Variants in MALRD1 observed in about 807,000 individuals in gnomAD.
MALRD1 encodes MAM and LDL receptor class A domain containing 1, also known as MAM and LDL-receptor class A domain-containing protein 1.
A neutral mutation model predicts 242.1 loss-of-function variants in MALRD1; 247 were observed. The observed-to-expected ratio is 1.02, with a 90% CI of 0.92 to 1.13. The LOEUF is 1.13. Among genes scored for constraint, MALRD1 ranks in the 50% most tolerant of loss-of-function variants. The probability of loss-of-function intolerance (pLI) is 0.00; values close to 1 mark genes in which losing one functional copy is unlikely to be tolerated. For synonymous variants in MALRD1, 995 were observed against 866.6 expected, an observed-to-expected ratio of 1.15 and a Z score of -2.60; for missense variants, 2,989 against 2,533.1, an observed-to-expected ratio of 1.18 and a Z score of -3.86.
intron 19 of MALRD1, among the ~76,000 whole-genome samples, chr10:19,269,546 G>A (rs17667025): frequency 0.079 from 11,992 of 152,284 alleles, 610 homozygotes; most frequent in Non-Finnish European, 0.11. Flanking sequence ...TCCTTGTCAT[G>A]CCTCAGTCAC....
chr10:19,062,644 C>T (rs141267809), intron 1 of MALRD1, among the ~76,000 whole-genome samples: 12 of 152,278 alleles, frequency 7.9e-5, no homozygotes, highest in African/African-American at 2.9e-4. Flanking sequence ...GAAAAACATA[C>T]ACTATATGAT....
chr10:19,254,261 T>C (rs1470544469), intron 18 of MALRD1, among the ~76,000 whole-genome samples: 2 of 152,028 alleles, frequency 1.3e-5, no homozygotes, highest in Non-Finnish European at 2.9e-5. Flanking sequence ...GCTTTTGAGG[T>C]TCACAGCTGT....
In MALRD1 at chr10:19,567,642, A is replaced by C. The variant is rs1169530558; in HGVS notation, c.5619A>C (p.Gly1873=). ...TGGCATTTGAAGCTGATTTGGATGG[A>C]AATGAGGACATCTTTATTGCTCTTG... ...FKVAFEADLD[G]NEDIFIALDD... The change falls in exon 33 of 40, where the codon GGA becomes GGC. Residue 1873 remains glycine (G), a synonymous_variant. Coordinates refer to ENST00000454679, the MANE Select transcript of MALRD1 (RefSeq NM_001142308.3). 1.3e-6 allele frequency: 2 copies of C among 1,550,724 alleles called. No homozygotes were observed.
intron 29 of MALRD1, among the ~76,000 whole-genome samples, chr10:19,454,819 A>G (rs182531421): frequency 6.6e-6 from 1 of 152,024 alleles, no homozygotes; most frequent in East Asian, 1.9e-4. Context: ...TAGGAAAGCT[A>G]TTTAAGTTTC....
At chr10:19,670,296 A>G (rs2131757840) in intron 36 of MALRD1, among the ~76,000 whole-genome samples, 1 of 152,302 alleles carries the variant, frequency 6.6e-6, no homozygotes, top group East Asian at 1.9e-4. Context: ...TCATTGTCAA[A>G]GAATTCCCAA....
chr10:19,489,103 A>G (rs1416042765), intron 29 of MALRD1: 2 of 463,238 alleles, frequency 4.3e-6, no homozygotes, highest in African/African-American at 2.0e-5. Flanking sequence ...CAGAATGCCC[A>G]AGAGGAAGGT....
At chr10:19,175,941 T>G (rs1227981384) in intron 14 of MALRD1, among the ~76,000 whole-genome samples, 3 of 152,172 alleles carry the variant, frequency 2.0e-5, no homozygotes, top group Non-Finnish European at 4.4e-5. Context: ...CTATGTATTT[T>G]AAAACCTAAT....
intron 29 of MALRD1, among the ~76,000 whole-genome samples, chr10:19,477,525 A>G (rs962435315): frequency 6.6e-6 from 1 of 152,330 alleles, no homozygotes; most frequent in African/African-American, 2.4e-5. Context: ...ATGAAGTGGC[A>G]TCATTGTCTG....
intron 28 of MALRD1, among the ~76,000 whole-genome samples, chr10:19,405,185 T>C (rs116175823): frequency 6.6e-6 from 1 of 152,168 alleles, no homozygotes; most frequent in Admixed American, 6.6e-5. Context: ...ACATCTTATT[T>C]GTTATTTTGC....
chr10:19,149,574 G>T (rs144847757), intron 11 of MALRD1, among the ~76,000 whole-genome samples: 4 of 152,102 alleles, frequency 2.6e-5, no homozygotes, highest in African/African-American at 9.6e-5. Flanking sequence ...GTGGTTGTTT[G>T]TTTTTTAAGA....
chr10:19,057,583 A>C (rs1220460419), intron 1 of MALRD1, among the ~76,000 whole-genome samples: 1 of 152,222 alleles, frequency 6.6e-6, no homozygotes, highest in Non-Finnish European at 1.5e-5. Context: ...AAGAAATCTA[A>C]AAATAAATAT....
chr10:19,335,443 C>G (rs149285342), intron 24 of MALRD1, among the ~76,000 whole-genome samples: 1 of 151,778 alleles, frequency 6.6e-6, no homozygotes, highest in African/African-American at 2.4e-5. Flanking sequence ...TTAAATGTTA[C>G]GTTTTAGTTA....
At chr10:19,684,476 C>T (rs1054723098) in intron 36 of MALRD1, among the ~76,000 whole-genome samples, 14 of 152,166 alleles carry the variant, frequency 9.2e-5, no homozygotes, top group Admixed American at 1.3e-4. Flanking sequence ...CTGCTAATGG[C>T]TGGGCATGGT....
At chr10:19,504,990 A>AT (rs1251499223) in intron 31 of MALRD1, among the ~76,000 whole-genome samples, 2 of 152,086 alleles carry the variant, frequency 1.3e-5, no homozygotes, top group Non-Finnish European at 2.9e-5. Context: ...CCTGTAACAC[A>AT]TTTTTTAAAG....
intron 19 of MALRD1, among the ~76,000 whole-genome samples, chr10:19,258,328 A>G (rs1166400865): frequency 6.6e-6 from 1 of 152,168 alleles, no homozygotes; most frequent in African/African-American, 2.4e-5. Context: ...GGCATCTTAA[A>G]GATAATGATA....
chr10:19,354,599 C>T (rs781288741), intron 26 of MALRD1, among the ~76,000 whole-genome samples: 5 of 151,676 alleles, frequency 3.3e-5, no homozygotes, highest in Non-Finnish European at 7.4e-5. Context: ...TTTTTGTTCT[C>T]GCATGTGAGT....
At chr10:19,718,836 A>T (rs529733035) in intron 38 of MALRD1, among the ~76,000 whole-genome samples, 1 of 151,934 alleles carries the variant, frequency 6.6e-6, no homozygotes, top group East Asian at 1.9e-4. Flanking sequence ...CTAAAGACTG[A>T]CTCCAGTAAT....
rs1588571772 is a variant in MALRD1, at chr10:19,119,162, T to C, written c.695-4330T>C. Among the ~76,000 whole-genome samples, 4 of 152,068 alleles carry C rather than the reference T, an allele frequency of 2.6e-5. No homozygotes were observed. The East Asian group carries it at 7.7e-4, about 29-fold the overall frequency. On this transcript the variant is annotated intron_variant, in intron 5 of 39. Coordinates refer to ENST00000454679, the MANE Select transcript of MALRD1 (RefSeq NM_001142308.3). Reference sequence around the variant, plus strand: ...GAGAGAGAGAGAAAGAGATGAGTCATGGAAGACCCCAAATTTCTCGCCTTA... The same window carrying C: ...GAGAGAGAGAGAAAGAGATGAGTCACGGAAGACCCCAAATTTCTCGCCTTA...
chr10:19,065,136 A>T (rs1303586986), intron 1 of MALRD1, among the ~76,000 whole-genome samples: 1 of 151,552 alleles, frequency 6.6e-6, no homozygotes, highest in African/African-American at 2.4e-5. Flanking sequence ...AAAAATACAA[A>T]ATTAGCCAGG....
Sources: allele counts gnomAD v4.1 joint callset (sites outside exome capture counted in the v4.1 genomes callset), GRCh38; gene constraint gnomAD v4.1.1; transcripts MANE v1.5; gene names NCBI Gene and HGNC (gene_info 2026-07-23, HGNC 2026-07-21).